POMK: variants seen among roughly 807,000 people sequenced by gnomAD.
POMK encodes the protein Sugen kinase 196.
A neutral mutation model predicts 23.0 loss-of-function variants in POMK; 19 were observed. That is an observed-to-expected ratio of 0.83 (90% confidence interval 0.58 to 1.21). The LOEUF is 1.21. Ranked by LOEUF, POMK falls within the 50% of genes most tolerant of loss-of-function variation. The pLI, the probability that POMK is intolerant of heterozygous loss-of-function variation, is 0.00. For synonymous variants in POMK, 173 were observed against 171.6 expected, an observed-to-expected ratio of 1.01 and a Z score of -0.06; for missense variants, 410 against 431.3, an observed-to-expected ratio of 0.95 and a Z score of 0.44.
rs773908820 is a variant in POMK, at chr8:43,103,784, C to G, written c.236C>G (p.Thr79Arg). ...SPWLSCEELR[T>R]EVRQLKRVGE... is the part of the protein sequence containing the mutation. Reference sequence around the variant, plus strand: ...TGGCTGTCCTGCGAGGAGCTGAGAACAGAAGTGAGACAGCTGAAGCGTGTT... The same window carrying G: ...TGGCTGTCCTGCGAGGAGCTGAGAAGAGAAGTGAGACAGCTGAAGCGTGTT... Residue 79 changes from threonine (T) to arginine (R), a missense_variant, in exon 4 of 5, where the codon ACA becomes AGA. Coordinates refer to ENST00000331373, the MANE Select transcript of POMK (RefSeq NM_032237.5). 1.1e-5 allele frequency: 17 copies of G among 1,614,226 alleles called. No individual in the cohort carries two copies. In the South Asian group the frequency reaches 1.8e-4, roughly 17 times the overall value.
intron 4 of POMK, among the ~76,000 whole-genome samples, chr8:43,107,018 G>A (rs1413123354): frequency 6.6e-6 from 1 of 152,146 alleles, no homozygotes; most frequent in African/African-American, 2.4e-5. Context: ...CCGGGCTGTG[G>A]TTCCAAGGCT....
At chr8:43,109,269 T>A (rs1811601891) in intron 4 of POMK, among the ~76,000 whole-genome samples, 1 of 152,210 alleles carries the variant, frequency 6.6e-6, no homozygotes, top group Admixed American at 6.5e-5. Context: ...ATTATTCTGG[T>A]AGGAGACTCA....
At chr8:43,112,565 G>A (rs1029663271) in intron 4 of POMK, among the ~76,000 whole-genome samples, 3 of 151,914 alleles carry the variant, frequency 2.0e-5, no homozygotes, top group Non-Finnish European at 2.9e-5. Context: ...TACAGAGAAC[G>A]CCACAAAGAT....
At chr8:43,106,445 CTATT>C (rs1349150574) in intron 4 of POMK, among the ~76,000 whole-genome samples, 1 of 148,508 alleles carries the variant, frequency 6.7e-6, no homozygotes, top group African/African-American at 2.5e-5. Context: ...TCTCTTAACT[CTATT>C]TGTTTCCTTT....
At chr8:43,111,094 A>G (rs1244094299) in intron 4 of POMK, among the ~76,000 whole-genome samples, 1 of 152,140 alleles carries the variant, frequency 6.6e-6, no homozygotes, top group African/African-American at 2.4e-5. Flanking sequence ...TGGGTGCAGC[A>G]CACCATGCGT....
At position 43,103,614 on chromosome 8, in the gene POMK, G is replaced by C; in HGVS notation, c.66G>C (p.Gly22=). The C allele has an allele frequency of 6.2e-7, 1 of 1,614,030 alleles. No individual in the cohort carries two copies. Among genetic ancestry groups the C allele is most frequent in the Non-Finnish European group, 8.5e-7 (1 of 1,180,026 alleles). The change falls in exon 4 of 5, where the codon GGG becomes GGC. Residue 22 remains glycine, a synonymous_variant. Coordinates refer to ENST00000331373, the MANE Select transcript of POMK (RefSeq NM_032237.5). ...CCCGAGAGGTGCCGCCAGCTGTTGG[G>C]CTGCTGCTGATCATGGCCCTGATGA... The part of the protein sequence containing the change: ...LAPREVPPAV[G]LLLIMALMNT...
At chr8:43,113,061 C>G (rs1323350837) in intron 4 of POMK, among the ~76,000 whole-genome samples, 1 of 151,516 alleles carries the variant, frequency 6.6e-6, no homozygotes, top group Non-Finnish European at 1.5e-5. Flanking sequence ...ACACACATAA[C>G]AATTGGTGAA....
At chr8:43,114,580 C>G (rs573872238) in intron 4 of POMK, among the ~76,000 whole-genome samples, 1 of 152,362 alleles carries the variant, frequency 6.6e-6, no homozygotes, top group East Asian at 1.9e-4. Context: ...GGCACTGCCT[C>G]GCCGTGCTTC....
chr8:43,094,362 AAAACC>A (rs944405990), intron 1 of POMK, among the ~76,000 whole-genome samples: 9 of 151,806 alleles, frequency 5.9e-5, no homozygotes, highest in South Asian at 2.1e-4. Flanking sequence ...TAAAAAAACA[AAAACC>A]AAACCAAACC....
chr8:43,111,694 A>C (rs1005027581), intron 4 of POMK, among the ~76,000 whole-genome samples: 3 of 152,156 alleles, frequency 2.0e-5, no homozygotes, highest in Non-Finnish European at 4.4e-5. Flanking sequence ...CTGACACCTC[A>C]CACGGCCAGG....
Position 43,114,715 on chromosome 8 carries a change from G to C in POMK, c.283-7392G>C, listed in dbSNP as rs189734796. The stretch of plus-strand genomic sequence containing the variant: ...CTGTCTTCTGCGTCGCTCACGCTGG[G>C]AGCTGTAGACCAGAGCTGTTCCTAT... On this transcript the variant is annotated intron_variant, in intron 4 of 4. Coordinates refer to ENST00000331373, the MANE Select transcript of POMK (RefSeq NM_032237.5). Among the ~76,000 whole-genome samples the C allele has an allele frequency of 4.9e-3, 749 of 152,324 alleles. 6 individuals are homozygous for C. The highest frequency in any genetic ancestry group is 0.01 in the Middle Eastern group (3 of 294).
chr8:43,110,339 C>T (rs992175302), intron 4 of POMK, among the ~76,000 whole-genome samples: 3 of 152,160 alleles, frequency 2.0e-5, no homozygotes, highest in African/African-American at 7.2e-5. Context: ...TCCAGTGTAG[C>T]TAGGGAGTGT....
rs377602349 is a variant in POMK, at chr8:43,109,534, A to AT, written c.282+5714dup. On this transcript the variant is annotated intron_variant, in intron 4 of 4. Coordinates refer to ENST00000331373, the MANE Select transcript of POMK (RefSeq NM_032237.5). ...CTAATTAGTTTGACCATAAGGTAAGATTTTTTTTTTATTTTTTATTTTTTT... is the reference window on the plus strand; with the variant it reads ...CTAATTAGTTTGACCATAAGGTAAGATTTTTTTTTTTATTTTTTATTTTTTT... 1.3e-3 allele frequency among the ~76,000 whole-genome samples: 197 copies of AT among 150,544 alleles called. 1 individual carries two copies. The highest frequency in any genetic ancestry group is 6.8e-3 in the Middle Eastern group (2 of 294).
chr8:43,112,342 T>G (rs1180996310), intron 4 of POMK, among the ~76,000 whole-genome samples: 1 of 152,056 alleles, frequency 6.6e-6, no homozygotes, highest in East Asian at 1.9e-4. Context: ...ATGAATGAAA[T>G]GAAGCGTGAA....
chr8:43,120,268 A>G (rs1811885994), intron 4 of POMK, among the ~76,000 whole-genome samples: 1 of 151,254 alleles, frequency 6.6e-6, no homozygotes, highest in African/African-American at 2.4e-5. Flanking sequence ...CTGGAGTGCA[A>G]TGGTGTGATC....
intron 1 of POMK, among the ~76,000 whole-genome samples, chr8:43,096,927 T>C (rs1811347295): frequency 6.6e-6 from 1 of 152,144 alleles, no homozygotes; most frequent in Non-Finnish European, 1.5e-5. Context: ...AACATATGTA[T>C]GATTTATGGG....
chr8:43,096,790 T>C (rs1374644075), intron 1 of POMK, among the ~76,000 whole-genome samples: 1 of 152,182 alleles, frequency 6.6e-6, no homozygotes, highest in Non-Finnish European at 1.5e-5. Context: ...GTCAAACCAG[T>C]TGAAAATAGT....
rs1316985932 is a variant in POMK, at chr8:43,122,221, CAT to C, written c.398_399del (p.His133ArgfsTer9). On this transcript the variant is annotated frameshift_variant, in exon 5 of 5. Transcript: ENST00000331373. LOFTEE classifies it high-confidence loss of function. ...GATGCTGAAATCTCTCCAAGGCACA[CAT>C]GTTGTCACGCTGCTTGGCTATTGTG... ...LQMLKSLQGTHVVTLLGYCED... is the reference protein window; with the variant it reads ...LQMLKSLQGTXVVTLLGYCED... 8 of 1,614,084 alleles carry C rather than the reference CAT, an allele frequency of 5.0e-6. No individual in the cohort carries two copies. Among genetic ancestry groups the C allele is most frequent in the African/African-American group, 1.3e-5 (1 of 74,932 alleles).
At chr8:43,104,816 CACT>C (rs995160095) in intron 4 of POMK, among the ~76,000 whole-genome samples, 16 of 151,928 alleles carry the variant, frequency 1.1e-4, no homozygotes, top group Admixed American at 2.0e-4. Context: ...TAATGGTGCG[CACT>C]ACTTGGGAAG....
Sources: allele counts gnomAD v4.1 joint callset (sites outside exome capture counted in the v4.1 genomes callset), GRCh38; gene constraint gnomAD v4.1.1; transcripts MANE v1.5; gene names NCBI Gene and HGNC (gene_info 2026-07-23, HGNC 2026-07-21).